KCNMB2: variants seen among roughly 807,000 people sequenced by gnomAD.
The protein encoded by KCNMB2 is potassium calcium-activated channel subfamily M regulatory beta subunit 2, also known as calcium-activated potassium channel subunit beta-2.
KCNMB2 carries 9 observed loss-of-function variants against 24.5 expected under a neutral mutation model. That is an observed-to-expected ratio of 0.37 (90% confidence interval 0.22 to 0.64). The LOEUF is 0.64. KCNMB2 is among the 30% of genes least tolerant of loss of function. The pLI, the probability that KCNMB2 is intolerant of heterozygous loss-of-function variation, is 0.63. For missense variants in KCNMB2, 226 were observed against 284.3 expected (o/e 0.79, Z 1.47); for synonymous variants, 109 against 104.4 (o/e 1.04, Z -0.27).
At chr3:178,666,410 G>A (rs572413254) in intron 1 of KCNMB2, among the ~76,000 whole-genome samples, 1 of 152,242 alleles carries the variant, frequency 6.6e-6, no homozygotes, top group East Asian at 1.9e-4. Flanking sequence ...CATGTGACCT[G>A]CATGGTAATA....
intron 1 of KCNMB2, among the ~76,000 whole-genome samples, chr3:178,697,424 A>AC (rs1420336613): frequency 2.6e-5 from 4 of 151,910 alleles, no homozygotes; most frequent in African/African-American, 9.7e-5. Flanking sequence ...TAGAATTGCA[A>AC]CCCCTGCTTT....
intron 1 of KCNMB2, among the ~76,000 whole-genome samples, chr3:178,546,299 T>C (rs1365224056): frequency 2.6e-5 from 4 of 152,092 alleles, no homozygotes; most frequent in Admixed American, 2.6e-4. Context: ...GAACTGAAAG[T>C]GAAAAAAACT....
At chr3:178,615,393 A>T (rs1339177758) in intron 1 of KCNMB2, among the ~76,000 whole-genome samples, 1 of 152,202 alleles carries the variant, frequency 6.6e-6, no homozygotes, top group African/African-American at 2.4e-5. Context: ...GTGGGTCCAG[A>T]GATGCTATCC....
At chr3:178,656,630 G>C (rs548355187) in intron 1 of KCNMB2, among the ~76,000 whole-genome samples, 2 of 152,006 alleles carry the variant, frequency 1.3e-5, no homozygotes, top group African/African-American at 4.8e-5. Flanking sequence ...AAAATTAGCC[G>C]GGTGTGGCGG....
intron 1 of KCNMB2, among the ~76,000 whole-genome samples, chr3:178,643,645 T>G (rs1315160521): frequency 6.6e-6 from 1 of 152,196 alleles, no homozygotes; most frequent in Non-Finnish European, 1.5e-5. Context: ...GAGCTAAAAG[T>G]CAGGCATCCC....
At chr3:178,678,032 A>T (rs1457117565) in intron 1 of KCNMB2, among the ~76,000 whole-genome samples, 1 of 152,202 alleles carries the variant, frequency 6.6e-6, no homozygotes, top group Non-Finnish European at 1.5e-5. Flanking sequence ...AACCTCTATA[A>T]ACGGGCCAGA....
chr3:178,822,575 C>CT (rs67072390), intron 2 of KCNMB2, among the ~76,000 whole-genome samples: 60,733 of 152,050 alleles, frequency 0.4, 12,690 homozygotes, highest in Non-Finnish European at 0.44. Context: ...GTATTCATTT[C>CT]TTTATTTTCC....
intron 1 of KCNMB2, among the ~76,000 whole-genome samples, chr3:178,659,579 G>C (rs538559869): frequency 2.0e-5 from 3 of 152,140 alleles, no homozygotes; most frequent in Non-Finnish European, 4.4e-5. Context: ...ATTATCTCAA[G>C]TTCACTCAGC....
At chr3:178,621,347 T>C (rs1331501546) in intron 1 of KCNMB2, among the ~76,000 whole-genome samples, 1 of 149,126 alleles carries the variant, frequency 6.7e-6, no homozygotes, top group Non-Finnish European at 1.5e-5. Context: ...GTTGCCCAAC[T>C]AGGGATTCCT....
chr3:178,569,290 T>C (rs1034166250), intron 1 of KCNMB2, among the ~76,000 whole-genome samples: 1 of 152,114 alleles, frequency 6.6e-6, no homozygotes, highest in Non-Finnish European at 1.5e-5. Flanking sequence ...TTAAATCTGA[T>C]TGGCCCCACA....
intron 1 of KCNMB2, among the ~76,000 whole-genome samples, chr3:178,630,334 T>A (rs978759284): frequency 6.6e-6 from 1 of 152,210 alleles, no homozygotes; most frequent in African/African-American, 2.4e-5. Context: ...GAACACAAAA[T>A]CATCTTCGAA....
intron 3 of KCNMB2, among the ~76,000 whole-genome samples, chr3:178,826,676 GT>G (rs1293493835): frequency 3.9e-5 from 6 of 152,128 alleles, no homozygotes; most frequent in Non-Finnish European, 8.8e-5. Flanking sequence ...AAAAATTGAG[GT>G]TTCAATCCAA....
intron 1 of KCNMB2, among the ~76,000 whole-genome samples, chr3:178,697,903 T>TG (rs1721941039): frequency 6.6e-6 from 1 of 151,956 alleles, no homozygotes; most frequent in African/African-American, 2.4e-5. Flanking sequence ...TAAAAGTTTT[T>TG]TTTTTAAGAA....
intron 1 of KCNMB2, among the ~76,000 whole-genome samples, chr3:178,663,423 C>G (rs758969336): frequency 6.6e-6 from 1 of 152,090 alleles, no homozygotes; most frequent in Non-Finnish European, 1.5e-5. Context: ...CACTTGCCTC[C>G]AAGAAAAATT....
intron 1 of KCNMB2, among the ~76,000 whole-genome samples, chr3:178,686,089 C>T (rs1721461022): frequency 1.3e-5 from 2 of 152,076 alleles, no homozygotes; most frequent in East Asian, 1.9e-4. Flanking sequence ...TGGTCCCATA[C>T]TTTTGCAAAT....
At chr3:178,648,887 C>T (rs528804100) in intron 1 of KCNMB2, among the ~76,000 whole-genome samples, 1 of 152,238 alleles carries the variant, frequency 6.6e-6, no homozygotes, top group South Asian at 2.1e-4. Context: ...ATTTGGTGTG[C>T]TAATATATGT....
chr3:178,662,166 G>A lies in KCNMB2; in HGVS notation c.-68+125455G>A, dbSNP rs556179978. ...TATATGCTAAAGTATTGAAATTATC[G>A]CATAGCCACAGAAATAAATTTTTAT... On this transcript the variant is annotated intron_variant, in intron 1 of 4. Coordinates refer to ENST00000452583, the MANE Select transcript of KCNMB2 (RefSeq NM_181361.3). Among the ~76,000 whole-genome samples, 79 of 152,118 alleles carry A rather than the reference G, an allele frequency of 5.2e-4. 1 individual carries two copies. The highest frequency in any genetic ancestry group is 6.9e-4 in the Non-Finnish European group (47 of 67,984).
chr3:178,682,754 A>T (rs749953167), intron 1 of KCNMB2, among the ~76,000 whole-genome samples: 2 of 152,168 alleles, frequency 1.3e-5, no homozygotes, highest in Non-Finnish European at 2.9e-5. Flanking sequence ...GCCAACAAAC[A>T]TATGAAAAAA....
chr3:178,625,337 C>T (rs1719075594), intron 1 of KCNMB2, among the ~76,000 whole-genome samples: 1 of 152,152 alleles, frequency 6.6e-6, no homozygotes, highest in Non-Finnish European at 1.5e-5. Context: ...GAGCTGGACC[C>T]CCCCACCCCA....
Sources: allele counts gnomAD v4.1 joint callset (sites outside exome capture counted in the v4.1 genomes callset), GRCh38; gene constraint gnomAD v4.1.1; transcripts MANE v1.5; gene names NCBI Gene and HGNC (gene_info 2026-07-23, HGNC 2026-07-21).